Variants in RARRES1 observed in about 807,000 individuals in gnomAD.
RARRES1 encodes retinoic acid receptor responder protein 1.
In RARRES1, 34 loss-of-function variants were observed where a neutral mutation model predicts 30.6. The observed-to-expected ratio is 1.11, with a 90% CI of 0.84 to 1.48. RARRES1 has a LOEUF of 1.48. RARRES1 is among the 40% of genes most tolerant of loss of function. RARRES1 has a pLI of 0.00. For missense variants in RARRES1, 373 were observed against 386.5 expected, an observed-to-expected ratio of 0.97 and a Z score of 0.29; for synonymous variants, 153 against 155.5, an observed-to-expected ratio of 0.98 and a Z score of 0.12.
At chr3:158,712,807 A>C (rs1426869912) in intron 2 of RARRES1, among the ~76,000 whole-genome samples, 1 of 152,072 alleles carries the variant, frequency 6.6e-6, no homozygotes, top group Non-Finnish European at 1.5e-5. Flanking sequence ...CAATTAGCTC[A>C]CTCTGTTCTT....
chr3:158,710,206 GTTT>G (rs34073811), intron 3 of RARRES1, among the ~76,000 whole-genome samples: 9 of 134,400 alleles, frequency 6.7e-5, no homozygotes, highest in Non-Finnish European at 7.9e-5. Flanking sequence ...AAAATGAGGA[GTTT>G]TTTTTTTTTT....
Position 158,723,068 on chromosome 3 carries a change from CCT to C in RARRES1, c.276+9070_276+9071del, listed in dbSNP as rs148668832. ...ACAGAAAACACTTCCCATTTTTCCC[CCT>C]CTCTGCAGTGTCTGTCATTGGTTGC... is the stretch of plus-strand genomic sequence containing the variant. On this transcript the variant is annotated intron_variant, in intron 1 of 5. Coordinates refer to ENST00000237696, the MANE Select transcript of RARRES1 (RefSeq NM_206963.2). The surrounding 1 kb of genome is among the most constrained non-coding windows in gnomAD (Gnocchi z 4.4). Among the ~76,000 whole-genome samples, 1,172 of 152,138 alleles carry C rather than the reference CCT, an allele frequency of 7.7e-3. 25 individuals carry two copies. The highest frequency in any genetic ancestry group is 0.027 in the African/African-American group (1,134 of 41,496).
intron 1 of RARRES1, among the ~76,000 whole-genome samples, chr3:158,724,275 C>A (rs1285065421): frequency 6.6e-6 from 1 of 151,608 alleles, no homozygotes; most frequent in African/African-American, 2.4e-5. Flanking sequence ...CTGAATAATG[C>A]CCCCCCACAG....
Position 158,730,365 on chromosome 3 carries a change from C to CCCCTTCCTTCCTTCCTTCCT in RARRES1, c.276+1774_276+1775insAGGAAGGAAGGAAGGAAGGG, listed in dbSNP as rs1553746330. On this transcript the variant is annotated intron_variant, in intron 1 of 5. Transcript: ENST00000237696. The stretch of plus-strand genomic sequence containing the variant: ...AAAGACAGGTGACAAGAATAGGTTG[C>CCCCTTCCTTCCTTCCTTCCT]TCCTTCCTTCCTTCCTTCCTTCCTT... Among the ~76,000 whole-genome samples, 14 of 120,262 alleles carry CCCCTTCCTTCCTTCCTTCCT rather than the reference C, an allele frequency of 1.2e-4. No homozygotes were observed. In the East Asian group the frequency reaches 1.8e-3, roughly 15 times the overall value. The allele number at this position is 120,262 out of a possible 152,430, so 78.9% of individuals were successfully genotyped here.
intron 1 of RARRES1, among the ~76,000 whole-genome samples, chr3:158,727,986 G>T (rs1483067535): frequency 6.6e-6 from 1 of 152,146 alleles, no homozygotes; most frequent in Non-Finnish European, 1.5e-5. Flanking sequence ...ATAACTTGAC[G>T]CGCCAACAGC....
At chr3:158,703,588 C>T (rs1311376598) in intron 4 of RARRES1, among the ~76,000 whole-genome samples, 4 of 152,090 alleles carry the variant, frequency 2.6e-5, no homozygotes, top group African/African-American at 9.7e-5. Context: ...GCCTTTTGTC[C>T]CCACTGTGCC....
intron 1 of RARRES1, among the ~76,000 whole-genome samples, chr3:158,722,657 C>T (rs1009057170): frequency 6.6e-6 from 1 of 151,916 alleles, no homozygotes; most frequent in Admixed American, 6.6e-5. Context: ...CCGAAGTGGG[C>T]GGATCACGAG....
At chr3:158,729,339 C>T (rs964695473) in intron 1 of RARRES1, among the ~76,000 whole-genome samples, 1 of 151,306 alleles carries the variant, frequency 6.6e-6, no homozygotes, top group African/African-American at 2.4e-5. Flanking sequence ...TTTATTCACT[C>T]GGGTTTTGAG....
intron 1 of RARRES1, among the ~76,000 whole-genome samples, chr3:158,718,147 T>C (rs1191123007): frequency 2.0e-5 from 3 of 151,970 alleles, no homozygotes; most frequent in Non-Finnish European, 4.4e-5. Flanking sequence ...CCCAGCTAAT[T>C]TTTTGTATTT....
intron 1 of RARRES1, among the ~76,000 whole-genome samples, chr3:158,724,553 C>T (rs868517210): frequency 1.1e-4 from 17 of 152,252 alleles, no homozygotes; most frequent in African/African-American, 3.4e-4. Context: ...ATGGATTCTC[C>T]TCTAGAGCCT....
At chr3:158,727,551 G>C (rs1368131048) in intron 1 of RARRES1, among the ~76,000 whole-genome samples, 1 of 152,198 alleles carries the variant, frequency 6.6e-6, no homozygotes, top group Non-Finnish European at 1.5e-5. Flanking sequence ...CCCAGAACTT[G>C]CTGAGTGGCA....
rs1344046648 is a variant in RARRES1, at chr3:158,713,856, T to C, written c.280A>G (p.Asn94Asp). The C allele has an allele frequency of 3.1e-6, 5 of 1,613,462 alleles. No homozygotes were observed. Among genetic ancestry groups the C allele is most frequent in the Non-Finnish European group, 3.4e-6 (4 of 1,179,460 alleles). The change falls in exon 2 of 6, where the codon AAT (asparagine) becomes GAT (aspartate). Residue 94 changes from asparagine (N) to aspartate (D), a missense_variant. Coordinates refer to ENST00000237696, the MANE Select transcript of RARRES1 (RefSeq NM_206963.2). ...TGAACTTTACATCCCTCTTTTGGAT[T>C]AATCTGGAACACAGAAACTGAATCT... ...AEVQEGRAWI[N>D]PKEGCKVHVV...
intron 1 of RARRES1, among the ~76,000 whole-genome samples, chr3:158,721,547 T>G (rs1727510099): frequency 6.6e-6 from 1 of 152,114 alleles, no homozygotes; most frequent in African/African-American, 2.4e-5. Flanking sequence ...CAGATGACAA[T>G]CACTAGGATA....
chr3:158,720,073 A>G (rs1727455630), intron 1 of RARRES1, among the ~76,000 whole-genome samples: 1 of 152,142 alleles, frequency 6.6e-6, no homozygotes, highest in Non-Finnish European at 1.5e-5. Context: ...GAAGAAATGG[A>G]GGCACTTGAC....
chr3:158,725,142 T>G (rs1727645344), intron 1 of RARRES1, among the ~76,000 whole-genome samples: 1 of 152,108 alleles, frequency 6.6e-6, no homozygotes, highest in Non-Finnish European at 1.5e-5. Flanking sequence ...CTTTTGTAAT[T>G]TGATTTTTCT....
intron 4 of RARRES1, among the ~76,000 whole-genome samples, chr3:158,703,064 C>T (rs970932572): frequency 6.6e-6 from 1 of 152,168 alleles, no homozygotes; most frequent in Non-Finnish European, 1.5e-5. Flanking sequence ...TAAATTGGTG[C>T]TTATGATTAG....
chr3:158,732,150 C>T lies in RARRES1; in HGVS notation c.266G>A (p.Gly89Asp), dbSNP rs147200147. The T allele has an allele frequency of 1.7e-5, 23 of 1,386,850 alleles. No individual in the cohort carries two copies. Among genetic ancestry groups the T allele is most frequent in the Non-Finnish European group, 1.9e-5 (21 of 1,077,970 alleles). The allele number at this position is 1,386,850 out of a possible 1,614,324, so 85.9% of individuals were successfully genotyped here. ...TCGCTCCGCACTCACCCACGCGCGG[C>T]CCTCCTGCACCTCGGCCAGCACTCG... Reference protein sequence around the residue: ...ALRVLAEVQEGRAWINPKEGC... With the variant: ...ALRVLAEVQEDRAWINPKEGC... The change falls in exon 1 of 6, where the codon GGC (glycine) becomes GAC (aspartate). Residue 89 changes from glycine to aspartate, a missense_variant. By Grantham distance (94) the Gly-to-Asp change is moderately conservative (BLOSUM62 -1). Transcript: ENST00000237696.
chr3:158,714,861 G>A (rs1016578421), intron 1 of RARRES1, among the ~76,000 whole-genome samples: 7 of 152,190 alleles, frequency 4.6e-5, no homozygotes, highest in East Asian at 1.9e-4. Flanking sequence ...TTGCATCTTA[G>A]CGTAGCAATT....
chr3:158,702,916 A>T (rs545169956), intron 4 of RARRES1, among the ~76,000 whole-genome samples: 1 of 152,340 alleles, frequency 6.6e-6, no homozygotes, highest in African/African-American at 2.4e-5. Context: ...TGTGTTGTAC[A>T]TGTGGTCTTT....
Sources: allele counts gnomAD v4.1 joint callset (sites outside exome capture counted in the v4.1 genomes callset), GRCh38; gene constraint gnomAD v4.1.1; non-coding constraint Gnocchi (gnomAD v3.1); transcripts MANE v1.5; gene names NCBI Gene and HGNC (gene_info 2026-07-23, HGNC 2026-07-21).